Variants in NBEAL1 observed in about 807,000 individuals in gnomAD.
The protein encoded by NBEAL1 is neurobeachin like 1, also known as neurobeachin-like protein 1.
Under a neutral mutation model 351.3 loss-of-function variants are expected in NBEAL1, and 273 were observed. That is an observed-to-expected ratio of 0.78 (90% confidence interval 0.70 to 0.86). The LOEUF (loss-of-function observed/expected upper bound fraction) is 0.86, where lower values mean the gene tolerates loss of function less well. NBEAL1 is among the 40% of genes least tolerant of loss of function. The pLI is 0.00. For synonymous variants in NBEAL1, 1,050 were observed against 1,086.4 expected, an observed-to-expected ratio of 0.97 and a Z score of 0.66; for missense variants, 2,961 against 3,201.3, an observed-to-expected ratio of 0.92 and a Z score of 1.81.
chr2:203,174,575 A>G (rs2064433594), intron 41 of NBEAL1, among the ~76,000 whole-genome samples: 2 of 152,078 alleles, frequency 1.3e-5, no homozygotes, highest in South Asian at 4.1e-4. Context: ...TTCTACAATG[A>G]ACATGTATTA....
In NBEAL1 at chr2:203,040,412, C is replaced by T. The variant is rs112492006; in HGVS notation, c.52-1353C>T. ...AAAAGGATTAATGGCATGAGTTTAC[C>T]GGTGGAGAGAACCGTTGTAAGACTT... On this transcript the variant is annotated intron_variant, in intron 2 of 55. Coordinates refer to ENST00000683969, the MANE Select transcript of NBEAL1 (RefSeq NM_001378026.1). 8.4e-3 allele frequency: 6,036 copies of T among 714,786 alleles called. 43 individuals carry two copies. The highest frequency in any genetic ancestry group is 0.013 in the Non-Finnish European group (5,011 of 392,526). The allele number at this position is 714,786 out of a possible 1,614,324, so 44.3% of individuals were successfully genotyped here. A position where few individuals can be genotyped will look rare whatever the true frequency, so the allele number is the denominator to read the frequency against.
intron 18 of NBEAL1, among the ~76,000 whole-genome samples, chr2:203,118,502 A>G (rs1165006095): frequency 6.6e-6 from 1 of 151,994 alleles, no homozygotes; most frequent in East Asian, 1.9e-4. Context: ...ACCTATTTTC[A>G]TTCTCCACTA....
At chr2:203,163,031 C>T (rs2064017257) in intron 36 of NBEAL1, among the ~76,000 whole-genome samples, 1 of 152,156 alleles carries the variant, frequency 6.6e-6, no homozygotes, top group Non-Finnish European at 1.5e-5. Flanking sequence ...GGGGTGAGTG[C>T]CTGTAATCCC....
At chr2:203,034,303 G>A (rs530427899) in intron 2 of NBEAL1, among the ~76,000 whole-genome samples, 26 of 147,266 alleles carry the variant, frequency 1.8e-4, no homozygotes, top group African/African-American at 5.8e-4. Flanking sequence ...GACTACAGGC[G>A]TGTGCCACCA....
chr2:203,187,711 C>G (rs2064946274), intron 44 of NBEAL1, among the ~76,000 whole-genome samples: 1 of 151,356 alleles, frequency 6.6e-6, no homozygotes, highest in Non-Finnish European at 1.5e-5. Flanking sequence ...CCACTGCACT[C>G]CAACCTCAGC....
At position 203,171,920 on chromosome 2, in the gene NBEAL1, C is replaced by A; in HGVS notation, c.6103-8C>A. The stretch of plus-strand genomic sequence containing the variant: ...AATTTTGATATTGCTCTTTTTTGTG[C>A]TGTCTAGAAATGGGTAAACAGAGAG... On this transcript the variant is annotated splice_polypyrimidine_tract_variant and splice_region_variant and intron_variant, in intron 39 of 55. Transcript: ENST00000683969. The A allele has an allele frequency of 6.6e-7, 1 of 1,513,694 alleles. No individual in the cohort carries two copies. The highest frequency in any genetic ancestry group is 8.9e-7 in the Non-Finnish European group (1 of 1,119,418). 93.8% of individuals were successfully genotyped at this position (1,513,694 alleles called of 1,614,324 possible).
At chr2:203,161,222 G>A (rs1338074753) in intron 36 of NBEAL1, among the ~76,000 whole-genome samples, 1 of 151,618 alleles carries the variant, frequency 6.6e-6, no homozygotes, top group Non-Finnish European at 1.5e-5. Context: ...AGCTACTTGG[G>A]AGGCTGAGGC....
At chr2:203,077,868 A>G in intron 8 of NBEAL1, 31 bp downstream of exon 8, 1 of 1,245,366 alleles carries the variant, frequency 8.0e-7, no homozygotes, top group Non-Finnish European at 1.1e-6. Flanking sequence ...TAATAAATAA[A>G]ATTATAATTA....
chr2:203,019,246 C>G (rs1347286188), intron 2 of NBEAL1, among the ~76,000 whole-genome samples: 1 of 152,094 alleles, frequency 6.6e-6, no homozygotes, highest in Non-Finnish European at 1.5e-5. Context: ...GTGTAGCGGC[C>G]ATCTGTGATT....
chr2:203,101,776 A>G (rs1477450767), intron 12 of NBEAL1, among the ~76,000 whole-genome samples: 7 of 152,140 alleles, frequency 4.6e-5, no homozygotes. Context: ...TTGTATTTTC[A>G]GTAGAGACAG....
rs554127234 is a variant in NBEAL1 at position 203,211,120 on chromosome 2, A to G, written c.7934+14A>G. 25 of 1,519,262 alleles carry G rather than the reference A, an allele frequency of 1.6e-5. No homozygotes were observed. In the South Asian group the frequency reaches 3.4e-4, roughly 21 times the overall value. 94.1% of individuals were successfully genotyped at this position (1,519,262 alleles called of 1,614,324 possible). On this transcript the variant is annotated intron_variant, in intron 54 of 55. Transcript: ENST00000683969. Reference sequence around the variant, plus strand: ...AGATCTCCACAGGTAAATAATAAAAACTAATGAAGTATCACTTAAGAAAAG... The same window carrying G: ...AGATCTCCACAGGTAAATAATAAAAGCTAATGAAGTATCACTTAAGAAAAG...
chr2:203,069,796 T>A (rs1451515188), intron 7 of NBEAL1, among the ~76,000 whole-genome samples: 7 of 152,108 alleles, frequency 4.6e-5, no homozygotes, highest in Non-Finnish European at 8.8e-5. Context: ...TACCTAGGAC[T>A]ACAGGTATGT....
At chr2:203,198,276 GTGCC>G (rs2065294984) in intron 48 of NBEAL1, among the ~76,000 whole-genome samples, 1 of 151,792 alleles carries the variant, frequency 6.6e-6, no homozygotes, top group Admixed American at 6.6e-5. Context: ...GCCTCACAAA[GTGCC>G]TGCGTTTTTT....
chr2:203,093,227 G>T (rs2062103060), intron 10 of NBEAL1, among the ~76,000 whole-genome samples: 4 of 55,208 alleles, frequency 7.2e-5, no homozygotes, highest in East Asian at 5.5e-4. Context: ...GGGAGACTCT[G>T]TCTAAAAAAA....
chr2:203,046,903 A>G (rs1006459543), intron 3 of NBEAL1, among the ~76,000 whole-genome samples: 10 of 152,180 alleles, frequency 6.6e-5, no homozygotes, highest in Admixed American at 1.3e-4. Flanking sequence ...GGTCGGATGC[A>G]GTGGCTTCTG....
At chr2:203,131,858 A>T in intron 25 of NBEAL1, 115 bp from the exon 26 acceptor site, 2 of 672,472 alleles carry the variant, frequency 3.0e-6, no homozygotes, top group Non-Finnish European at 4.6e-6. Flanking sequence ...ATTAAATATT[A>T]ATGCTAATAA....
chr2:203,165,636 G>C (rs2064109462), intron 36 of NBEAL1, among the ~76,000 whole-genome samples: 1 of 152,152 alleles, frequency 6.6e-6, no homozygotes, highest in South Asian at 2.1e-4. Context: ...TAATGAAACT[G>C]AATCATTGAG....
intron 10 of NBEAL1, chr2:203,084,977 A>G (rs2061937038): frequency 6.3e-6 from 1 of 157,824 alleles, no homozygotes; most frequent in Non-Finnish European, 1.4e-5. Context: ...TCCAAGTTAC[A>G]TACCCTGTAA....
At chr2:203,126,431 T>G (rs1196609006) in intron 21 of NBEAL1, 126 bp from the exon 22 acceptor site, 1 of 783,650 alleles carries the variant, frequency 1.3e-6, no homozygotes, top group East Asian at 3.1e-5. Context: ...CTTAAGTTTT[T>G]ATTTTTCTAA....
Sources: gnomAD v4.1 joint callset for allele counts (sites outside exome capture counted in the v4.1 genomes callset) on GRCh38, gnomAD v4.1.1 for gene constraint, MANE v1.5 for transcripts, NCBI Gene and HGNC (gene_info 2026-07-23, HGNC 2026-07-21) for gene names.